ABL1: variants seen among roughly 807,000 people sequenced by gnomAD.
ABL1 encodes the protein tyrosine-protein kinase ABL1.
ABL1 carries 11 observed loss-of-function variants against 94.7 expected under a neutral mutation model. The ratio of observed to expected loss-of-function variants is 0.12; its 90% CI spans 0.07 to 0.19. The LOEUF is 0.19. ABL1 is among the 10% of genes least tolerant of loss of function. ABL1 has a pLI of 1.00. For missense variants in ABL1, 1,082 were observed against 1,489.4 expected (o/e 0.73, Z 4.50); for synonymous variants, 656 against 622.4 (o/e 1.05, Z -0.80).
intron 1 of ABL1, among the ~76,000 whole-genome samples, chr9:130,764,424 A>G (rs1422142835): frequency 1.3e-5 from 2 of 152,072 alleles, no homozygotes; most frequent in African/African-American, 4.8e-5. Context: ...CCCATGTTCA[A>G]AGTTCCCGCT....
chr9:130,720,851 T>C (rs1489106928), intron 1 of ABL1, among the ~76,000 whole-genome samples: 2 of 151,650 alleles, frequency 1.3e-5, no homozygotes, highest in African/African-American at 4.8e-5. Flanking sequence ...GATATGGGGG[T>C]GTGAGAGGGG....
At chr9:130,876,404 A>C (rs1285616532) in intron 7 of ABL1, among the ~76,000 whole-genome samples, 3 of 124,418 alleles carry the variant, frequency 2.4e-5, no homozygotes, top group African/African-American at 1.4e-4. Context: ...ATAACAAATT[A>C]CTTTTTCTTT....
Position 130,884,689 on chromosome 9 carries a change from ACAT to A in ABL1, c.2403_2405del (p.Ile801del). 6.2e-7 allele frequency: 1 copy of A among 1,612,848 alleles called. No individual in the cohort carries two copies. The highest frequency in any genetic ancestry group is 8.5e-7 in the Non-Finnish European group (1 of 1,179,970). On this transcript the variant is annotated inframe_deletion, in exon 11 of 11. Transcript: ENST00000318560. This position sits in a 1 kb window ranked among gnomAD's most constrained non-coding sequence, Gnocchi z 5.6. ...GAAGCTGCTGATGAGGTCTTCAAAGACATCATGGAGTCCAGCCCGGGCTCCAGC... is the reference window on the plus strand; with the variant it reads ...GAAGCTGCTGATGAGGTCTTCAAAGACATGGAGTCCAGCCCGGGCTCCAGC...
chr9:130,855,074 T>C lies in ABL1; in HGVS notation c.527T>C (p.Ile176Thr), dbSNP rs2132958546. 6.2e-7 allele frequency: 1 copy of C among 1,613,878 alleles called. No individual in the cohort carries two copies. Among genetic ancestry groups the C allele is most frequent in the Non-Finnish European group, 8.5e-7 (1 of 1,179,822 alleles). Residue 176 changes from isoleucine (I) to threonine (T), a missense_variant, in exon 3 of 11, where the codon ATC becomes ACC. Physicochemically the swap from Ile to Thr is moderately conservative, Grantham distance 89. This residue lies in a region of ABL1 where 47 missense variants were observed against 142.2 expected (regional missense o/e 0.33). Coordinates refer to ENST00000318560, the MANE Select transcript of ABL1 (RefSeq NM_005157.6). ...RYEGRVYHYR[I>T]NTASDGKLYV... ...GAAGGGAGGGTGTACCATTACAGGA[T>C]CAACACTGCTTCTGATGGCAAGGTA...
rs546538708 is a variant in ABL1, at chr9:130,745,183, C to G, written c.136+30728C>G. Among the ~76,000 whole-genome samples, 4 of 150,616 alleles carry G rather than the reference C, an allele frequency of 2.7e-5. No homozygotes were observed. In the East Asian group the frequency reaches 8.1e-4, roughly 30 times the overall value. ...TACTGCAACCTCCACCTCCTGGGTT[C>G]AAGCGATTCTCCTGCTTCAGCCTCC... is the stretch of plus-strand genomic sequence containing the variant. On this transcript the variant is annotated intron_variant, in intron 1 of 10. Coordinates refer to the ABL1 transcript ENST00000372348.
chr9:130,851,561 CTTTTTTTAAAAGATAATT>C (rs1009901708), intron 1 of ABL1, among the ~76,000 whole-genome samples: 15 of 151,656 alleles, frequency 9.9e-5, no homozygotes, highest in Non-Finnish European at 2.1e-4. Context: ...GGTTCTTTTT[CTTTTTTTAAAAGATAATT>C]TTTTTTTTAA....
At chr9:130,735,961 A>ATTTT (rs141181174) in intron 1 of ABL1, among the ~76,000 whole-genome samples, 1,315 of 94,738 alleles carry the variant, frequency 0.014, 34 homozygotes, top group Admixed American at 0.024. Flanking sequence ...ATATATATAT[A>ATTTT]TTTTTTTTTT....
upstream of ABL1, among the ~76,000 whole-genome samples, chr9:130,834,706 T>A (rs1434398463): frequency 6.6e-6 from 1 of 152,238 alleles, no homozygotes; most frequent in East Asian, 1.9e-4. Flanking sequence ...CTGGTCTGGA[T>A]GTGCGGCCTC....
intron 1 of ABL1, among the ~76,000 whole-genome samples, chr9:130,772,619 G>A (rs981937446): frequency 2.6e-5 from 4 of 152,192 alleles, no homozygotes; most frequent in African/African-American, 9.7e-5. Context: ...GAGGCCTGGG[G>A]TACTGAGGTG....
At chr9:130,742,814 G>A (rs889479039) in intron 1 of ABL1, among the ~76,000 whole-genome samples, 2 of 151,890 alleles carry the variant, frequency 1.3e-5, no homozygotes, top group African/African-American at 4.8e-5. Flanking sequence ...ACATTAGTAT[G>A]TGCTATTAAG....
intron 1 of ABL1, among the ~76,000 whole-genome samples, chr9:130,786,245 C>T (rs1004724650): frequency 2.6e-5 from 4 of 152,044 alleles, no homozygotes; most frequent in African/African-American, 7.3e-5. Flanking sequence ...GGCAGAGGGC[C>T]GTCCCTCGTT....
chr9:130,829,385 C>T (rs1830464673), intron 1 of ABL1, among the ~76,000 whole-genome samples: 1 of 152,010 alleles, frequency 6.6e-6, no homozygotes, highest in Non-Finnish European at 1.5e-5. Context: ...CACAGTGAAA[C>T]CCCGTCTCTA....
At chr9:130,760,712 G>GAC (rs1299700234) in intron 1 of ABL1, among the ~76,000 whole-genome samples, 2 of 151,468 alleles carry the variant, frequency 1.3e-5, no homozygotes, top group Non-Finnish European at 2.9e-5. Flanking sequence ...CGCCAGGCTG[G>GAC]AGTGCAGTGG....
chr9:130,863,202 G>A lies in ABL1; in HGVS notation c.822+167G>A, dbSNP rs1321718223. ...ATATCATTCCTGTGTCTTTGTAGGA[G>A]TGGAATCATTCTCATAGTCCGAGTG... On this transcript the variant is annotated intron_variant, in intron 4 of 10. Coordinates refer to ENST00000318560, the MANE Select transcript of ABL1 (RefSeq NM_005157.6). This position sits in a 1 kb window ranked among gnomAD's most constrained non-coding sequence, Gnocchi z 4.3. Among the ~76,000 whole-genome samples the A allele has an allele frequency of 3.3e-5, 5 of 152,194 alleles. No homozygotes were observed.
intron 1 of ABL1, among the ~76,000 whole-genome samples, chr9:130,810,316 T>C (rs1350504293): frequency 2.6e-5 from 4 of 152,102 alleles, no homozygotes. Context: ...GCCAACATGG[T>C]GAAACCCCAC....
chr9:130,793,008 C>T (rs928943329), intron 1 of ABL1, among the ~76,000 whole-genome samples: 5 of 152,210 alleles, frequency 3.3e-5, no homozygotes, highest in Non-Finnish European at 7.3e-5. Context: ...TCACTGCAGC[C>T]TCCGTCTCTG....
At chr9:130,869,973 C>T (rs1278247445) in intron 4 of ABL1, among the ~76,000 whole-genome samples, 2 of 152,146 alleles carry the variant, frequency 1.3e-5, no homozygotes, top group East Asian at 1.9e-4. Flanking sequence ...TACAGGCATG[C>T]GCTACCACGC....
chr9:130,808,236 T>C (rs1292893982), intron 1 of ABL1, among the ~76,000 whole-genome samples: 2 of 141,936 alleles, frequency 1.4e-5, no homozygotes, highest in East Asian at 4.1e-4. Flanking sequence ...CTTCTTCTTC[T>C]TCTTCTTCTT....
At chr9:130,733,717 T>C (rs1490571620) in intron 1 of ABL1, among the ~76,000 whole-genome samples, 2 of 151,382 alleles carry the variant, frequency 1.3e-5, no homozygotes, top group Admixed American at 6.6e-5. Context: ...TAGCTGGGAC[T>C]ACAGGCGCCC....
Sources: allele counts gnomAD v4.1 joint callset (sites outside exome capture counted in the v4.1 genomes callset), GRCh38; gene constraint gnomAD v4.1.1; regional missense constraint gnomAD v4.1.1; non-coding constraint Gnocchi (gnomAD v3.1); transcripts MANE v1.5; gene names NCBI Gene and HGNC (gene_info 2026-07-23, HGNC 2026-07-21).